The following RFTN1 variants were observed in gnomAD, a reference collection of about 807,000 sequenced individuals.
RFTN1 encodes raftlin.
A neutral mutation model predicts 46.5 loss-of-function variants in RFTN1; 26 were observed. The ratio of observed to expected loss-of-function variants is 0.56; its 90% CI spans 0.41 to 0.78. The LOEUF is 0.78. Among genes scored for constraint, RFTN1 ranks in the 30% least tolerant of loss-of-function variants. RFTN1 has a pLI of 0.00. For missense variants in RFTN1, 693 were observed against 718.7 expected (o/e 0.96, Z 0.41); for synonymous variants, 261 against 284.2 (o/e 0.92, Z 0.82).
chr3:16,352,277 C>G lies in RFTN1; in HGVS notation c.1146+5655G>C, dbSNP rs779766552. ...GAGAGGGATAAACATGGAAAAGGCTCTATGGCTCAGGTAGCACCTGGTGGT... is the reference window on the plus strand; with the variant it reads ...GAGAGGGATAAACATGGAAAAGGCTGTATGGCTCAGGTAGCACCTGGTGGT... On this transcript the variant is annotated intron_variant, in intron 7 of 9. Coordinates refer to ENST00000334133, the MANE Select transcript of RFTN1 (RefSeq NM_015150.2). The surrounding 1 kb of genome is among the most constrained non-coding windows in gnomAD (Gnocchi z 4.6). Among the ~76,000 whole-genome samples, 27 of 152,182 alleles carry G rather than the reference C, an allele frequency of 1.8e-4. No individual in the cohort carries two copies. The highest frequency in any genetic ancestry group is 3.8e-4 in the Non-Finnish European group (26 of 68,040).
chr3:16,434,173 T>C (rs2075451082), intron 2 of RFTN1, 136 bp from the exon 3 acceptor site: 1 of 718,628 alleles, frequency 1.4e-6, no homozygotes, highest in East Asian at 2.8e-5. Context: ...GTTTTTACTG[T>C]CTTCAAACAG....
chr3:16,511,792 G>T (rs766210092), intron 1 of RFTN1, among the ~76,000 whole-genome samples: 15 of 152,046 alleles, frequency 9.9e-5, no homozygotes, highest in Non-Finnish European at 1.9e-4. Flanking sequence ...GGGAGAAAAA[G>T]AACTCACTGA....
At chr3:16,390,730 G>C (rs541066385) in intron 4 of RFTN1, among the ~76,000 whole-genome samples, 1 of 152,116 alleles carries the variant, frequency 6.6e-6, no homozygotes, top group African/African-American at 2.4e-5. Flanking sequence ...TTATTCTTAA[G>C]GCATCATAAC....
intron 1 of RFTN1, among the ~76,000 whole-genome samples, chr3:16,501,080 T>C (rs1261627506): frequency 6.6e-6 from 1 of 152,054 alleles, no homozygotes; most frequent in African/African-American, 2.4e-5. Context: ...GAGGCTGCAG[T>C]GAACTCTGAT....
At chr3:16,358,158 C>T in intron 6 of RFTN1, 111 bp from the exon 7 acceptor site, 1 of 667,132 alleles carries the variant, frequency 1.5e-6, no homozygotes, top group Admixed American at 2.3e-5. Flanking sequence ...CCAATCAGAA[C>T]ATCTTTTCAG....
In RFTN1 at chr3:16,326,878, T is replaced by TG. The variant is rs778519333; in HGVS notation, c.1147-3dup. ...GTAGTCTGTCTGCACTTCGACACCC[T>TG]GGGGGAACAAGGCCAGCATTAGGGC... On this transcript the variant is annotated splice_region_variant and splice_polypyrimidine_tract_variant and intron_variant, in intron 7 of 9. Transcript: ENST00000334133. 2.6e-5 allele frequency: 42 copies of TG among 1,612,190 alleles called. No individual in the cohort carries two copies. The highest frequency in any genetic ancestry group is 3.3e-5 in the Non-Finnish European group (39 of 1,179,270).
chr3:16,415,089 A>T (rs2075048815), intron 3 of RFTN1, among the ~76,000 whole-genome samples: 2 of 152,140 alleles, frequency 1.3e-5, no homozygotes, highest in African/African-American at 2.4e-5. Flanking sequence ...CAGGCAAGGG[A>T]TGATGATGGC....
At chr3:16,389,699 G>T (rs570012636) in intron 4 of RFTN1, among the ~76,000 whole-genome samples, 2 of 152,170 alleles carry the variant, frequency 1.3e-5, no homozygotes, top group East Asian at 1.9e-4. Flanking sequence ...TGGAATTCAT[G>T]TATGTGGCAG....
At chr3:16,401,860 ATT>A (rs2074611272) in intron 4 of RFTN1, among the ~76,000 whole-genome samples, 1 of 152,196 alleles carries the variant, frequency 6.6e-6, no homozygotes, top group Non-Finnish European at 1.5e-5. Context: ...TTGGGTCCAT[ATT>A]TCCACCAGGC....
rs10703577 is a variant in RFTN1, at chr3:16,345,264, T to TTGTGTGTGTGTGTGTGTGTGTGTGTGTG, written c.1146+12640_1146+12667dup. On this transcript the variant is annotated intron_variant, in intron 7 of 9. Transcript: ENST00000334133. The surrounding 1 kb of genome is among the most constrained non-coding windows in gnomAD (Gnocchi z 5.2). ...AAACTGTAAGATAATAAGTAGGTGG[T>TTGTGTGTGTGTGTGTGTGTGTGTGTGTG]TGTGTGTGTGTGTGTGTGTGTGTGT... 1.5e-3 allele frequency: 214 copies of TTGTGTGTGTGTGTGTGTGTGTGTGTGTG among 145,912 alleles called. 3 individuals carry two copies. The highest frequency in any genetic ancestry group is 5.4e-3 in the African/African-American group (205 of 37,836). The allele number at this position is 145,912 out of a possible 1,614,324, so 9.0% of individuals were successfully genotyped here.
In RFTN1 at chr3:16,341,055, A is replaced by G. The variant is rs2071286079; in HGVS notation, c.1147-14179T>C. On this transcript the variant is annotated intron_variant, in intron 7 of 9. Coordinates refer to ENST00000334133, the MANE Select transcript of RFTN1 (RefSeq NM_015150.2). The surrounding 1 kb of genome is among the most constrained non-coding windows in gnomAD (Gnocchi z 4.7). ...CAGGTAGCAAATAATAAGCATATAA[A>G]AAGATGCTCAACATCATATGTCATT... 6.6e-6 allele frequency among the ~76,000 whole-genome samples: 1 copy of G among 152,266 alleles called. No homozygotes were observed. The highest frequency in any genetic ancestry group is 6.5e-5 in the Admixed American group (1 of 15,286).
At chr3:16,396,645 T>C (rs576655244) in intron 4 of RFTN1, among the ~76,000 whole-genome samples, 8 of 152,282 alleles carry the variant, frequency 5.3e-5, no homozygotes, top group African/African-American at 1.9e-4. Context: ...AAACACACAG[T>C]TACACCAAAT....
rs2071058208 is a variant in RFTN1, at chr3:16,338,344, A to G, written c.1147-11468T>C. ...AATGAGGCCGGACATGCGGCGGCTAAGGGGCGATGGCTGGGGCCAACTCTG... is the reference window on the plus strand; with the variant it reads ...AATGAGGCCGGACATGCGGCGGCTAGGGGGCGATGGCTGGGGCCAACTCTG... On this transcript the variant is annotated intron_variant, in intron 7 of 9. Coordinates refer to ENST00000334133, the MANE Select transcript of RFTN1 (RefSeq NM_015150.2). This position sits in a 1 kb window ranked among gnomAD's most constrained non-coding sequence, Gnocchi z 5.3. Among the ~76,000 whole-genome samples the G allele has an allele frequency of 6.6e-6, 1 of 152,242 alleles. No individual in the cohort carries two copies. Among genetic ancestry groups the G allele is most frequent in the Admixed American group, 6.5e-5 (1 of 15,288 alleles).
rs1659567666 is a variant in RFTN1, at chr3:16,316,857, T to C, written c.1708A>G (p.Arg570Gly). The C allele has an allele frequency of 6.2e-7, 1 of 1,614,184 alleles. No homozygotes were observed. The highest frequency in any genetic ancestry group is 1.3e-5 in the African/African-American group (1 of 75,060). Residue 570 changes from arginine to glycine, a missense_variant, in exon 10 of 10, where the codon AGA becomes GGA. Arg to Gly is a moderately radical substitution (Grantham distance 125). Transcript: ENST00000334133. The surrounding 1 kb of genome is among the most constrained non-coding windows in gnomAD (Gnocchi z 4.5). ...TTTTCTTCAACCGTACCAAGCTCTC[T>C]GACTTCCTCAGCATCCCCGTCCCTG... Reference protein sequence around the residue: ...DARDGDAEEVRELGTVEEN With the variant: ...DARDGDAEEVGELGTVEEN
rs559596660 is a variant in RFTN1 at position 16,322,362 on chromosome 3, T to C, written c.1332+1014A>G. Among the ~76,000 whole-genome samples the C allele has an allele frequency of 3.9e-4, 60 of 152,328 alleles. No individual in the cohort carries two copies. The highest frequency in any genetic ancestry group is 6.6e-4 in the Non-Finnish European group (45 of 68,028). On this transcript the variant is annotated intron_variant, in intron 9 of 9. Transcript: ENST00000334133. This position sits in a 1 kb window ranked among gnomAD's most constrained non-coding sequence, Gnocchi z 6.2. ...GAGTTGTTGGCTGGTGAGGGGCTGC[T>C]CCAATCTGTTCATTTACTTGATGCT...
At chr3:16,397,960 T>C (rs1001380494) in intron 4 of RFTN1, among the ~76,000 whole-genome samples, 3 of 152,092 alleles carry the variant, frequency 2.0e-5, no homozygotes, top group Admixed American at 6.5e-5. Context: ...TTAAGAAGCA[T>C]CATGGGCCGG....
At chr3:16,464,735 A>T (rs2076061869) in intron 2 of RFTN1, among the ~76,000 whole-genome samples, 1 of 152,264 alleles carries the variant, frequency 6.6e-6, no homozygotes, top group Non-Finnish European at 1.5e-5. Flanking sequence ...TAAAATGTGC[A>T]TATTGTCTAT....
rs1280243360 is a variant in RFTN1 at position 16,479,241 on chromosome 3, A to AGCC, written c.145+14481_145+14483dup. ...ACACTGATCCCCATCACTTGCCTTA[A>AGCC]GCCACTTCTGAATTCACACTTTATA... On this transcript the variant is annotated intron_variant, in intron 2 of 9. Transcript: ENST00000334133. The surrounding 1 kb of genome is among the most constrained non-coding windows in gnomAD (Gnocchi z 5.1). 6.6e-6 allele frequency among the ~76,000 whole-genome samples: 1 copy of AGCC among 152,242 alleles called. No homozygotes were observed. Among genetic ancestry groups the AGCC allele is most frequent in the Admixed American group, 6.5e-5 (1 of 15,280 alleles).
In RFTN1 at chr3:16,422,674, CA is replaced by C. The variant is rs2075210579; in HGVS notation, c.332+11176del. 6.7e-6 allele frequency among the ~76,000 whole-genome samples: 1 copy of C among 149,806 alleles called. No homozygotes were observed. Among genetic ancestry groups the C allele is most frequent in the Admixed American group, 6.6e-5 (1 of 15,044 alleles). On this transcript the variant is annotated intron_variant, in intron 3 of 9. Coordinates refer to ENST00000334133, the MANE Select transcript of RFTN1 (RefSeq NM_015150.2). The surrounding 1 kb of genome is among the most constrained non-coding windows in gnomAD (Gnocchi z 4.6). ...CCCTACTGGATGTTAACATACATTA[CA>C]AATTTATTATCATCAAAATAACATG... is the stretch of plus-strand genomic sequence containing the variant.
Sources: gnomAD v4.1 joint callset for allele counts (sites outside exome capture counted in the v4.1 genomes callset) on GRCh38, gnomAD v4.1.1 for gene constraint, Gnocchi (gnomAD v3.1) non-coding constraint, MANE v1.5 for transcripts, NCBI Gene and HGNC (gene_info 2026-07-23, HGNC 2026-07-21) for gene names.